The following ANO2 variants were observed in gnomAD, a reference collection of about 807,000 sequenced individuals.
ANO2 encodes anoctamin 2.
ANO2 carries 101 observed loss-of-function variants against 124.2 expected under a neutral mutation model. The observed-to-expected ratio is 0.81, with a 90% CI of 0.69 to 0.96. ANO2 has a LOEUF of 0.96. Ranked by LOEUF, ANO2 falls within the 40% of genes least tolerant of loss-of-function variation. The pLI is 0.00. For synonymous variants in ANO2, 486 were observed against 482.5 expected, an observed-to-expected ratio of 1.01 and a Z score of -0.09; for missense variants, 1,293 against 1,274.5, an observed-to-expected ratio of 1.01 and a Z score of -0.22.
At chr12:5,778,916 G>A (rs770912675) in intron 10 of ANO2, among the ~76,000 whole-genome samples, 5 of 152,190 alleles carry the variant, frequency 3.3e-5, no homozygotes, top group Non-Finnish European at 5.9e-5. Flanking sequence ...TTTCTTAAAG[G>A]TATGGATCTT....
At chr12:5,885,434 G>A (rs11503134) in intron 3 of ANO2, among the ~76,000 whole-genome samples, 3,934 of 152,248 alleles carry the variant, frequency 0.026, 149 homozygotes, top group African/African-American at 0.089. Context: ...AAAACCAGAT[G>A]ATAACAATAA....
intron 14 of ANO2, among the ~76,000 whole-genome samples, chr12:5,655,435 T>C (rs1213996084): frequency 6.6e-6 from 1 of 152,218 alleles, no homozygotes; most frequent in African/African-American, 2.4e-5. Flanking sequence ...ATTCAGTGGC[T>C]CTGGAATGGG....
intron 14 of ANO2, among the ~76,000 whole-genome samples, chr12:5,686,006 G>A (rs1948688737): frequency 6.6e-6 from 1 of 152,180 alleles, no homozygotes; most frequent in South Asian, 2.1e-4. Context: ...CCAGCTGGCT[G>A]CTTCCCATCC....
chr12:5,759,718 T>G (rs1237893644), intron 10 of ANO2, among the ~76,000 whole-genome samples: 1 of 151,308 alleles, frequency 6.6e-6, no homozygotes, highest in Non-Finnish European at 1.5e-5. Context: ...AAAAATTATC[T>G]TCCACGAAAC....
At chr12:5,586,644 C>T (rs966357020) in intron 20 of ANO2, among the ~76,000 whole-genome samples, 2 of 152,200 alleles carry the variant, frequency 1.3e-5, no homozygotes, top group African/African-American at 4.8e-5. Flanking sequence ...GTGGTGTCAC[C>T]TAAGTTATCC....
At chr12:5,684,235 T>C (rs1948615179) in intron 14 of ANO2, among the ~76,000 whole-genome samples, 1 of 151,996 alleles carries the variant, frequency 6.6e-6, no homozygotes, top group South Asian at 2.1e-4. Context: ...TGCTCTCTGG[T>C]TTTTCACAGC....
At position 5,578,482 on chromosome 12, in the gene ANO2, G is replaced by A. The variant is rs1565431802; in HGVS notation, c.2270C>T (p.Ser757Phe). The change falls in exon 21 of 25, where the codon TCC becomes TTC. Residue 757 changes from serine (S) to phenylalanine (F), a missense_variant. Physicochemically the swap from Ser to Phe is radical, Grantham distance 155. Transcript: ENST00000682330. ...GGCAAACACAGGTGCCAGGGGAAAG[G>A]AGGCCACGAAGAGGGTGACAAAACC... ...QFGFVTLFVA[S>F]FPLAPVFALL... The A allele has an allele frequency of 1.9e-6, 3 of 1,613,942 alleles. No individual in the cohort carries two copies. Among genetic ancestry groups the A allele is most frequent in the Non-Finnish European group, 2.5e-6 (3 of 1,179,844 alleles).
intron 7 of ANO2, among the ~76,000 whole-genome samples, chr12:5,820,274 G>A (rs576094747): frequency 6.6e-6 from 1 of 152,252 alleles, no homozygotes; most frequent in Non-Finnish European, 1.5e-5. Flanking sequence ...GTGCATTGGG[G>A]TAACTGTGCA....
At chr12:5,873,440 C>G (rs1937868774) in intron 3 of ANO2, among the ~76,000 whole-genome samples, 3 of 152,194 alleles carry the variant, frequency 2.0e-5, no homozygotes, top group African/African-American at 7.2e-5. Context: ...ACTTCACACT[C>G]TATGCCCTAC....
At chr12:5,731,608 C>T (rs1182255108) in intron 14 of ANO2, among the ~76,000 whole-genome samples, 1 of 151,582 alleles carries the variant, frequency 6.6e-6, no homozygotes. Flanking sequence ...TCTCTCTCTC[C>T]CCACCCCTCC....
intron 1 of ANO2, among the ~76,000 whole-genome samples, chr12:5,938,430 A>G (rs997794647): frequency 6.6e-6 from 1 of 152,222 alleles, no homozygotes. Context: ...CAGAATGTCT[A>G]TCCCAGGACC....
At chr12:5,602,547 C>A (rs1304242431) in intron 19 of ANO2, among the ~76,000 whole-genome samples, 13 of 152,134 alleles carry the variant, frequency 8.5e-5, no homozygotes, top group Non-Finnish European at 1.0e-4. Flanking sequence ...AACCACCACA[C>A]CCGGCCTGAA....
rs1202700209 is a variant in ANO2 at position 5,658,061 on chromosome 12, T to C, written c.1546-10260A>G. ...AATATTATTTGCTCATTTGTCTTTC[T>C]CTCCCTCTCCTCATCCCCCTTTTCT... On this transcript the variant is annotated intron_variant, in intron 14 of 24. Coordinates refer to ENST00000682330, the MANE Select transcript of ANO2 (RefSeq NM_001364791.2). This position sits in a 1 kb window ranked among gnomAD's most constrained non-coding sequence, Gnocchi z 4.3. Among the ~76,000 whole-genome samples the C allele has an allele frequency of 6.8e-5, 10 of 146,374 alleles. No homozygotes were observed. The highest frequency in any genetic ancestry group is 1.7e-4 in the African/African-American group (7 of 40,416).
intron 1 of ANO2, 105 bp downstream of exon 1, chr12:5,945,090 TG>T (rs1305076360): frequency 4.5e-6 from 5 of 1,116,308 alleles, no homozygotes; most frequent in South Asian, 1.4e-5. Flanking sequence ...CAGGCTCCCT[TG>T]GGGGTCCCCA....
chr12:5,733,511 T>G (rs745936747), intron 13 of ANO2, among the ~76,000 whole-genome samples: 1 of 152,360 alleles, frequency 6.6e-6, no homozygotes, highest in South Asian at 2.1e-4. Flanking sequence ...TATCGATAAC[T>G]CCTGGGCAGG....
At chr12:5,736,288 C>T (rs1250774904) in intron 13 of ANO2, among the ~76,000 whole-genome samples, 2 of 152,134 alleles carry the variant, frequency 1.3e-5, no homozygotes, top group Non-Finnish European at 1.5e-5. Context: ...AGCCCTACTG[C>T]TTGTTCTACC....
chr12:5,661,656 ATGCC>A (rs2136973816), intron 14 of ANO2, among the ~76,000 whole-genome samples: 1 of 152,248 alleles, frequency 6.6e-6, no homozygotes, highest in South Asian at 2.1e-4. Flanking sequence ...CATGAGGGCG[ATGCC>A]ACTGGGTCCC....
intron 13 of ANO2, 183 bp from the exon 14 acceptor site, chr12:5,732,813 G>C (rs185495795): frequency 1.9e-6 from 3 of 1,611,002 alleles, no homozygotes; most frequent in Non-Finnish European, 8.5e-7. Flanking sequence ...AGAACACAAC[G>C]TGAGGAAGAG....
intron 19 of ANO2, among the ~76,000 whole-genome samples, chr12:5,606,777 C>T (rs1045850890): frequency 2.0e-5 from 3 of 152,096 alleles, no homozygotes; most frequent in African/African-American, 7.2e-5. Context: ...TGCACACACA[C>T]ACATGCATGT....
Sources: allele counts gnomAD v4.1 joint callset (sites outside exome capture counted in the v4.1 genomes callset), GRCh38; gene constraint gnomAD v4.1.1; non-coding constraint Gnocchi (gnomAD v3.1); transcripts MANE v1.5; gene names NCBI Gene and HGNC (gene_info 2026-07-23, HGNC 2026-07-21).